The following CTNNA2 variants were observed in gnomAD, a reference collection of about 807,000 sequenced individuals.
CTNNA2 encodes the protein catenin alpha-2.
In CTNNA2, 42 loss-of-function variants were observed where a neutral mutation model predicts 101.0. The ratio of observed to expected loss-of-function variants is 0.42; its 90% CI spans 0.32 to 0.54. The LOEUF (loss-of-function observed/expected upper bound fraction) is 0.54, where lower values mean the gene tolerates loss of function less well. Among genes scored for constraint, CTNNA2 ranks in the 20% least tolerant of loss-of-function variants. The probability of loss-of-function intolerance (pLI) is 0.14; values close to 1 mark genes in which losing one functional copy is unlikely to be tolerated. For synonymous variants in CTNNA2, 450 were observed against 456.4 expected, an observed-to-expected ratio of 0.99 and a Z score of 0.18; for missense variants, 871 against 1,223.1, an observed-to-expected ratio of 0.71 and a Z score of 4.29.
At chr2:79,327,410 T>C (rs775153463) in intron 3 of CTNNA2, among the ~76,000 whole-genome samples, 14 of 152,138 alleles carry the variant, frequency 9.2e-5, no homozygotes, top group Non-Finnish European at 1.8e-4. Flanking sequence ...AGACTAACAA[T>C]TCATATTTGC....
chr2:80,190,910 T>G lies in CTNNA2; in HGVS notation c.1057-202301T>G, dbSNP rs141735711. Among the ~76,000 whole-genome samples the G allele has an allele frequency of 1.3e-3, 196 of 152,282 alleles. 1 individual carries two copies. The highest frequency in any genetic ancestry group is 4.5e-3 in the African/African-American group (185 of 41,568). ...AGTCGTTGCTGTTGATTATTCTTTA[T>G]CCTATGAGCTGTCCTGGGAGGAGAC... On this transcript the variant is annotated intron_variant, in intron 7 of 18. Coordinates refer to ENST00000402739, the MANE Select transcript of CTNNA2 (RefSeq NM_001282597.3).
chr2:79,794,961 A>T (rs1675584231), intron 3 of CTNNA2, among the ~76,000 whole-genome samples: 1 of 152,186 alleles, frequency 6.6e-6, no homozygotes, highest in East Asian at 1.9e-4. Flanking sequence ...AGGGCCCAGG[A>T]CAATAGTACA....
intron 7 of CTNNA2, among the ~76,000 whole-genome samples, chr2:79,946,317 A>C (rs1189802307): frequency 7.2e-6 from 1 of 138,302 alleles, no homozygotes; most frequent in African/African-American, 2.7e-5. Context: ...TTCATATTTA[A>C]CACTAAGTGA....
intron 4 of CTNNA2, among the ~76,000 whole-genome samples, chr2:79,866,955 C>T (rs1439283599): frequency 6.6e-6 from 1 of 152,132 alleles, no homozygotes; most frequent in Non-Finnish European, 1.5e-5. Context: ...CCAATGACAT[C>T]GTTGGGGTTC....
intron 4 of CTNNA2, among the ~76,000 whole-genome samples, chr2:79,447,967 G>A (rs373295617): frequency 2.6e-5 from 4 of 151,984 alleles, no homozygotes; most frequent in South Asian, 2.1e-4. Flanking sequence ...AAGATAATAA[G>A]CAATTCTGTG....
intron 7 of CTNNA2, among the ~76,000 whole-genome samples, chr2:80,315,574 G>T (rs559878821): frequency 3.3e-5 from 5 of 152,278 alleles, no homozygotes; most frequent in South Asian, 2.1e-4. Flanking sequence ...GGTGCAATCA[G>T]GTGGTGATTG....
At chr2:80,568,724 C>T (rs1386722418) in intron 12 of CTNNA2, among the ~76,000 whole-genome samples, 1 of 152,078 alleles carries the variant, frequency 6.6e-6, no homozygotes, top group Non-Finnish European at 1.5e-5. Flanking sequence ...TAGGAGTTCA[C>T]CTGGGCCAAA....
intron 1 of CTNNA2, among the ~76,000 whole-genome samples, chr2:79,197,514 G>T (rs141197107): frequency 6.6e-6 from 1 of 151,144 alleles, no homozygotes. Context: ...CTGAGGTTGT[G>T]GGTCAGAGTT....
chr2:80,099,070 G>A (rs1393816118), intron 7 of CTNNA2, among the ~76,000 whole-genome samples: 1 of 151,878 alleles, frequency 6.6e-6, no homozygotes, highest in African/African-American at 2.4e-5. Flanking sequence ...AGTTGGAAAT[G>A]CAGAAATCAC....
At chr2:80,292,894 A>G (rs780892503) in intron 7 of CTNNA2, among the ~76,000 whole-genome samples, 4 of 152,178 alleles carry the variant, frequency 2.6e-5, no homozygotes, top group Non-Finnish European at 5.9e-5. Flanking sequence ...TCTTTCCTAC[A>G]GCATGTTTGC....
intron 1 of CTNNA2, among the ~76,000 whole-genome samples, chr2:79,622,644 C>T (rs1409571007): frequency 1.3e-5 from 2 of 152,198 alleles, no homozygotes; most frequent in African/African-American, 2.4e-5. Context: ...CAGAGTTCAA[C>T]ACAGGCCTTT....
chr2:80,255,429 G>A (rs1443272596), intron 7 of CTNNA2, among the ~76,000 whole-genome samples: 1 of 151,842 alleles, frequency 6.6e-6, no homozygotes, highest in Non-Finnish European at 1.5e-5. Context: ...AAAAAAAAAT[G>A]CACAGTGATC....
intron 7 of CTNNA2, among the ~76,000 whole-genome samples, chr2:80,079,867 TAAAATAAAATAAAATAATAA>T (rs1218644408): frequency 2.8e-5 from 4 of 140,728 alleles, no homozygotes; most frequent in African/African-American, 8.0e-5. Context: ...TAAAATAAAA[TAAAATAAAATAAAATAATAA>T]AATAAAATAA....
At chr2:79,374,578 CA>C (rs1259115226) in intron 4 of CTNNA2, among the ~76,000 whole-genome samples, 2 of 151,992 alleles carry the variant, frequency 1.3e-5, no homozygotes, top group African/African-American at 4.8e-5. Context: ...TTATTCTGAG[CA>C]ATAGACTCTT....
At chr2:79,494,982 A>G (rs750383455) in intron 4 of CTNNA2, among the ~76,000 whole-genome samples, 1 of 152,108 alleles carries the variant, frequency 6.6e-6, no homozygotes, top group Non-Finnish European at 1.5e-5. Context: ...AGGCGCCTGT[A>G]GTCCCAGCTA....
Position 80,466,167 on chromosome 2 carries a change from C to T in CTNNA2, c.1290+46566C>T, listed in dbSNP as rs574804962. On this transcript the variant is annotated intron_variant, in intron 9 of 18. Coordinates refer to ENST00000402739, the MANE Select transcript of CTNNA2 (RefSeq NM_001282597.3). ...TGTGATATTGATTTGGAAAACTCAT[C>T]GGCATTCTAGCGTATAAAGTAATAG... Among the ~76,000 whole-genome samples the T allele has an allele frequency of 9.2e-5, 14 of 152,218 alleles. No homozygotes were observed. The South Asian group carries it at 1.7e-3, about 18-fold the overall frequency.
rs200074706 is a variant in CTNNA2, at chr2:80,076,278, CT to C, written c.1056+166493del. 1.8e-3 allele frequency among the ~76,000 whole-genome samples: 254 copies of C among 144,984 alleles called. 1 individual carries two copies. The highest frequency in any genetic ancestry group is 9.9e-3 in the Admixed American group (144 of 14,504). ...TACAGACTTTTTGCATCATTTTTTC[CT>C]TTTTTTTTTTTCTTTTTTAGATAGG... On this transcript the variant is annotated intron_variant, in intron 7 of 18. Transcript: ENST00000402739.
At chr2:79,541,924 C>T (rs938304263) in intron 1 of CTNNA2, among the ~76,000 whole-genome samples, 1 of 151,982 alleles carries the variant, frequency 6.6e-6, no homozygotes, top group African/African-American at 2.4e-5. Context: ...CGTGCCTGGC[C>T]CCAGTCTTCA....
Position 80,134,447 on chromosome 2 carries a change from C to T in CTNNA2, c.1056+224650C>T, listed in dbSNP as rs76053928. 7.2e-4 allele frequency among the ~76,000 whole-genome samples: 109 copies of T among 152,236 alleles called. No individual in the cohort carries two copies. In the East Asian group the frequency reaches 0.02, roughly 29 times the overall value. On this transcript the variant is annotated intron_variant, in intron 7 of 18. Coordinates refer to ENST00000402739, the MANE Select transcript of CTNNA2 (RefSeq NM_001282597.3). ...TAATGGATATGCAACCCGCTAATGA[C>T]CCAGCTTGTAAACCTTCCAGGGGGG...
Sources: gnomAD v4.1 joint callset for allele counts (sites outside exome capture counted in the v4.1 genomes callset) on GRCh38, gnomAD v4.1.1 for gene constraint, MANE v1.5 for transcripts, NCBI Gene and HGNC (gene_info 2026-07-23, HGNC 2026-07-21) for gene names.